CNKSR3: variants seen among roughly 807,000 people sequenced by gnomAD.
CNKSR3 encodes connector enhancer of kinase suppressor of ras 3.
In CNKSR3, 36 loss-of-function variants were observed where a neutral mutation model predicts 67.7. That is an observed-to-expected ratio of 0.53 (90% CI 0.41 to 0.70). The LOEUF (loss-of-function observed/expected upper bound fraction) is 0.70. Among genes scored for constraint, CNKSR3 ranks in the 30% least tolerant of loss-of-function variants. CNKSR3 has a pLI of 0.00. For missense variants in CNKSR3, 630 were observed against 695.2 expected (o/e 0.91, Z 1.05); for synonymous variants, 281 against 271.4 (o/e 1.04, Z -0.35).
At chr6:154,411,633 CAAAAAAAA>C (rs57943019) in intron 10 of CNKSR3, among the ~76,000 whole-genome samples, 2 of 103,406 alleles carry the variant, frequency 1.9e-5, no homozygotes, top group Non-Finnish European at 1.9e-5. Context: ...GACTCCATCT[CAAAAAAAA>C]AAAAAAAAAA....
chr6:154,436,020 C>T (rs1785465017), intron 4 of CNKSR3, among the ~76,000 whole-genome samples: 1 of 152,124 alleles, frequency 6.6e-6, no homozygotes, highest in Non-Finnish European at 1.5e-5. Flanking sequence ...TGTGATGGCA[C>T]GCGTCAAGCG....
chr6:154,415,022 C>A (rs532349029), intron 9 of CNKSR3, among the ~76,000 whole-genome samples: 102 of 142,930 alleles, frequency 7.1e-4, no homozygotes, highest in Middle Eastern at 7.4e-3. Context: ...TGCTTGAGCC[C>A]AGGAGGCAGA....
rs986658002 is a variant in CNKSR3 at position 154,400,710 on chromosome 6, CA to C, written c.*5643del. On this transcript the variant is annotated 3_prime_UTR_variant, in exon 13 of 13. Transcript: ENST00000607772. Reference sequence around the variant, plus strand: ...CACACCCCTAAAACTAGAGGAAAAACAAGGCCCTCTAGCAGGTCTGAACATG... The same window carrying C: ...CACACCCCTAAAACTAGAGGAAAAACAGGCCCTCTAGCAGGTCTGAACATG... The C allele has an allele frequency of 6.6e-6, 1 of 152,144 alleles. No homozygotes were observed. The highest frequency in any genetic ancestry group is 2.4e-5 in the African/African-American group (1 of 41,432). 9.4% of individuals were successfully genotyped at this position (152,144 alleles called of 1,614,324 possible). A position where few individuals can be genotyped will look rare whatever the true frequency, so the allele number is the denominator to read the frequency against.
At chr6:154,508,267 T>C (rs577233304) in intron 1 of CNKSR3, among the ~76,000 whole-genome samples, 100 of 152,360 alleles carry the variant, frequency 6.6e-4, no homozygotes, top group Non-Finnish European at 1.1e-3. Flanking sequence ...ACCTAACGTA[T>C]CAAAATACTA....
chr6:154,451,065 T>G (rs6929581), intron 1 of CNKSR3, among the ~76,000 whole-genome samples: 106,861 of 151,998 alleles, frequency 0.7, 37,917 homozygotes, highest in East Asian at 0.9. Flanking sequence ...AAAAAGTTCT[T>G]ATAAATACAG....
intron 1 of CNKSR3, among the ~76,000 whole-genome samples, chr6:154,458,615 C>G (rs1455072579): frequency 6.6e-6 from 1 of 152,126 alleles, no homozygotes; most frequent in African/African-American, 2.4e-5. Flanking sequence ...TCCCTCCCTA[C>G]AGCCCCGTCC....
chr6:154,418,312 C>T (rs1364518931), intron 9 of CNKSR3, among the ~76,000 whole-genome samples: 1 of 152,202 alleles, frequency 6.6e-6, no homozygotes, highest in Non-Finnish European at 1.5e-5. Context: ...ACCAGTTTTA[C>T]TTGGAGCACA....
rs543201315 is a variant in CNKSR3 at position 154,442,710 on chromosome 6, A to G, written c.217-420T>C. On this transcript the variant is annotated intron_variant, in intron 2 of 12. Coordinates refer to ENST00000607772, the MANE Select transcript of CNKSR3 (RefSeq NM_173515.4). ...GTTAGTCACTTGAAAAAAACCTTACAACAACCACAAAACCCTATGTGATCT... is the reference window on the plus strand; with the variant it reads ...GTTAGTCACTTGAAAAAAACCTTACGACAACCACAAAACCCTATGTGATCT... Among the ~76,000 whole-genome samples the G allele has an allele frequency of 2.0e-5, 3 of 152,092 alleles. No individual in the cohort carries two copies. The East Asian group carries it at 5.8e-4, about 29-fold the overall frequency.
intron 4 of CNKSR3, among the ~76,000 whole-genome samples, chr6:154,439,348 A>C (rs1785535442): frequency 6.6e-6 from 1 of 152,148 alleles, no homozygotes; most frequent in Non-Finnish European, 1.5e-5. Flanking sequence ...GAAGTGTCCA[A>C]ATACCTCGGA....
At chr6:154,479,125 A>G (rs1538338) in intron 1 of CNKSR3, among the ~76,000 whole-genome samples, 90,709 of 151,758 alleles carry the variant, frequency 0.6, 27,405 homozygotes, top group African/African-American at 0.65. Flanking sequence ...CCATCCTTAG[A>G]ACACCCAAAC....
At position 154,393,736 on chromosome 6, in the gene CNKSR3, G is replaced by A. The variant is rs375886917; in HGVS notation, c.*12618C>T. 13 of 152,066 alleles carry A rather than the reference G, an allele frequency of 8.5e-5. No homozygotes were observed. Among genetic ancestry groups the A allele is most frequent in the Admixed American group, 1.3e-4 (2 of 15,274 alleles). The allele number at this position is 152,066 out of a possible 1,614,324, so 9.4% of individuals were successfully genotyped here. ...TATAAGAAATCTTTCCCTATCCAAGGTTACAAAAACAAATTTCAAAATGAT... is the reference window on the plus strand; with the variant it reads ...TATAAGAAATCTTTCCCTATCCAAGATTACAAAAACAAATTTCAAAATGAT... On this transcript the variant is annotated 3_prime_UTR_variant, in exon 13 of 13. Transcript: ENST00000607772.
At position 154,403,961 on chromosome 6, in the gene CNKSR3, T is replaced by G. The variant is rs1784744564; in HGVS notation, c.*2393A>C. On this transcript the variant is annotated 3_prime_UTR_variant, in exon 13 of 13. Coordinates refer to ENST00000607772, the MANE Select transcript of CNKSR3 (RefSeq NM_173515.4). ...CCACAATCTGGGGAGTAAGAGGAGA[T>G]GTTGCCACCCACTTCCTGGGCATAA... 1 of 152,144 alleles carries G rather than the reference T, an allele frequency of 6.6e-6. No individual in the cohort carries two copies. The highest frequency in any genetic ancestry group is 2.1e-4 in the South Asian group (1 of 4,818). The allele number at this position is 152,144 out of a possible 1,614,324, so 9.4% of individuals were successfully genotyped here. A position where few individuals can be genotyped will look rare whatever the true frequency, so the allele number is the denominator to read the frequency against.
chr6:154,455,246 G>C (rs1305371628), intron 1 of CNKSR3, among the ~76,000 whole-genome samples: 1 of 151,864 alleles, frequency 6.6e-6, no homozygotes, highest in African/African-American at 2.4e-5. Context: ...TTGAACCTGG[G>C]AGGCAGAGGT....
chr6:154,476,460 A>G (rs1786454148), intron 1 of CNKSR3, among the ~76,000 whole-genome samples: 1 of 148,318 alleles, frequency 6.7e-6, no homozygotes, highest in South Asian at 2.1e-4. Flanking sequence ...TATGTCTCAA[A>G]AAAAAAAAAA....
chr6:154,434,905 A>G (rs114805108), intron 4 of CNKSR3, among the ~76,000 whole-genome samples: 2,077 of 152,260 alleles, frequency 0.014, 17 homozygotes, highest in Middle Eastern at 0.02. Context: ...AACACATTTC[A>G]ACCTTAGAAA....
chr6:154,407,755 T>A (rs1040435443), intron 12 of CNKSR3, among the ~76,000 whole-genome samples: 3 of 151,042 alleles, frequency 2.0e-5, no homozygotes, highest in Admixed American at 6.6e-5. Context: ...CCTAGCCTAC[T>A]GAAACCTTTT....
chr6:154,479,188 T>C lies in CNKSR3; in HGVS notation c.53-28930A>G, dbSNP rs187788482. On this transcript the variant is annotated intron_variant, in intron 1 of 12. Coordinates refer to ENST00000607772, the MANE Select transcript of CNKSR3 (RefSeq NM_173515.4). ...AAAAGTGGCCAGGACTCAAGACAAATGGCTCCCAATAAAGGAGATGGATTC... is the reference window on the plus strand; with the variant it reads ...AAAAGTGGCCAGGACTCAAGACAAACGGCTCCCAATAAAGGAGATGGATTC... Among the ~76,000 whole-genome samples, 284 of 149,506 alleles carry C rather than the reference T, an allele frequency of 1.9e-3. 8 individuals are homozygous for C. Among genetic ancestry groups the C allele is most frequent in the Admixed American group, 0.018 (262 of 14,874 alleles).
chr6:154,409,804 G>T (rs1784870171), intron 12 of CNKSR3, among the ~76,000 whole-genome samples: 1 of 151,600 alleles, frequency 6.6e-6, no homozygotes, highest in East Asian at 1.9e-4. Context: ...AGCACTTTGG[G>T]AGGCTGAGGC....
At chr6:154,417,540 G>A (rs149725612) in intron 9 of CNKSR3, among the ~76,000 whole-genome samples, 31 of 152,248 alleles carry the variant, frequency 2.0e-4, no homozygotes, top group African/African-American at 7.0e-4. Flanking sequence ...TGGTTCTTAT[G>A]TTTAGATGTT....
Sources: gnomAD v4.1 joint callset for allele counts (sites outside exome capture counted in the v4.1 genomes callset) on GRCh38, gnomAD v4.1.1 for gene constraint, MANE v1.5 for transcripts, NCBI Gene and HGNC (gene_info 2026-07-23, HGNC 2026-07-21) for gene names.